The following LMF1 variants were observed in gnomAD, a reference collection of about 807,000 sequenced individuals.
The protein encoded by LMF1 is transmembrane protein 112.
In LMF1, 68 loss-of-function variants were observed where a neutral mutation model predicts 60.6. The ratio of observed to expected loss-of-function variants is 1.12; its 90% confidence interval spans 0.92 to 1.37. The LOEUF (loss-of-function observed/expected upper bound fraction) is 1.37. Among genes scored for constraint, LMF1 ranks in the 40% most tolerant of loss-of-function variants. LMF1 has a pLI of 0.00. For missense variants in LMF1, 948 were observed against 767.2 expected (o/e 1.24, Z -2.78); for synonymous variants, 418 against 324.7 (o/e 1.29, Z -3.09).
chr16:892,603 C>T (rs1030659451), intron 5 of LMF1, among the ~76,000 whole-genome samples: 7 of 152,232 alleles, frequency 4.6e-5, no homozygotes, highest in Non-Finnish European at 7.3e-5. Flanking sequence ...GTCCAGGTAA[C>T]GATGGAGCCA....
intron 1 of LMF1, among the ~76,000 whole-genome samples, chr16:958,165 C>T (rs1294412807): frequency 6.6e-6 from 1 of 152,168 alleles, no homozygotes; most frequent in African/African-American, 2.4e-5. Flanking sequence ...AGAAGAAAAT[C>T]TATGTGACTT....
intron 6 of LMF1, among the ~76,000 whole-genome samples, chr16:877,795 G>A (rs1265739770): frequency 6.6e-6 from 1 of 152,118 alleles, no homozygotes; most frequent in African/African-American, 2.4e-5. Context: ...ATCACCCACA[G>A]GACGCGTCTC....
chr16:854,449 C>T lies in LMF1; in HGVS notation c.*83G>A. The T allele has an allele frequency of 1.4e-6, 2 of 1,388,048 alleles. No homozygotes were observed. Among genetic ancestry groups the T allele is most frequent in the Non-Finnish European group, 2.0e-6 (2 of 1,013,386 alleles). 86.0% of individuals were successfully genotyped at this position (1,388,048 alleles called of 1,614,324 possible). ...CTCTCCACGTCTCTCTTGGCGATGC[C>T]CAGCTTGGGCTGGGCGCAGGGAAGG... On this transcript the variant is annotated 3_prime_UTR_variant, in exon 11 of 11. Coordinates refer to ENST00000262301, the MANE Select transcript of LMF1 (RefSeq NM_022773.4).
chr16:919,874 C>T (rs1332635833), intron 3 of LMF1, among the ~76,000 whole-genome samples: 6 of 152,118 alleles, frequency 3.9e-5, no homozygotes, highest in Non-Finnish European at 4.4e-5. Context: ...CCCACAGCTC[C>T]GCCCCGGGAC....
chr16:881,177 G>T (rs1267929030), intron 5 of LMF1, among the ~76,000 whole-genome samples: 1 of 152,232 alleles, frequency 6.6e-6, no homozygotes, highest in Admixed American at 6.5e-5. Flanking sequence ...GGAAGCGCAG[G>T]AGAGGCGGCC....
At chr16:958,284 C>T (rs1389266112) in intron 1 of LMF1, among the ~76,000 whole-genome samples, 2 of 152,156 alleles carry the variant, frequency 1.3e-5, no homozygotes, top group South Asian at 4.1e-4. Context: ...GCAAAAGCTA[C>T]TTTTAACAGA....
chr16:915,866 C>T (rs945595618), intron 3 of LMF1, among the ~76,000 whole-genome samples: 4 of 152,020 alleles, frequency 2.6e-5, no homozygotes, highest in East Asian at 1.9e-4. Context: ...ACGTGGGACG[C>T]GGGGGCCGGA....
At chr16:887,570 C>T (rs1368957315) in intron 5 of LMF1, among the ~76,000 whole-genome samples, 2 of 152,168 alleles carry the variant, frequency 1.3e-5, no homozygotes, top group African/African-American at 2.4e-5. Flanking sequence ...AGCAGCTCTG[C>T]ACCCCCTCAG....
intron 10 of LMF1, among the ~76,000 whole-genome samples, chr16:864,856 CA>C (rs2069569362): frequency 6.6e-6 from 1 of 152,082 alleles, no homozygotes; most frequent in South Asian, 2.1e-4. Context: ...CTCCTGACTT[CA>C]AGTGATACAC....
At chr16:865,650 C>T (rs2069591187) in intron 10 of LMF1, among the ~76,000 whole-genome samples, 1 of 152,170 alleles carries the variant, frequency 6.6e-6, no homozygotes, top group South Asian at 2.1e-4. Flanking sequence ...TTAGGGTTTG[C>T]TCAGTTTATT....
chr16:895,891 A>G (rs1399515672), intron 4 of LMF1, among the ~76,000 whole-genome samples: 1 of 140,056 alleles, frequency 7.1e-6, no homozygotes, highest in Non-Finnish European at 1.6e-5. Flanking sequence ...CGCAGGCTGC[A>G]CGGTCCACAG....
At chr16:906,323 T>A (rs1567217796) in intron 4 of LMF1, among the ~76,000 whole-genome samples, 1 of 152,178 alleles carries the variant, frequency 6.6e-6, no homozygotes, top group African/African-American at 2.4e-5. Context: ...TGTGAGGGTG[T>A]TGCCAGAGGA....
At chr16:949,953 CAG>C in intron 2 of LMF1, among the ~76,000 whole-genome samples, 1 of 136,484 alleles carries the variant, frequency 7.3e-6, no homozygotes, top group East Asian at 2.2e-4. Flanking sequence ...GAGCCAACGA[CAG>C]AGTCAGAGAC....
intron 2 of LMF1, among the ~76,000 whole-genome samples, chr16:944,908 C>CTTGT (rs1218069868): frequency 7.9e-6 from 1 of 125,890 alleles, no homozygotes; most frequent in Non-Finnish European, 1.6e-5. Flanking sequence ...ATACATATCT[C>CTTGT]TTGTTAGGTT....
intron 3 of LMF1, among the ~76,000 whole-genome samples, chr16:918,279 G>A (rs781575327): frequency 4.9e-4 from 75 of 152,296 alleles, no homozygotes; most frequent in African/African-American, 1.7e-3. Context: ...CGGCTTGTTC[G>A]TACTTGGTTG....
intron 1 of LMF1, among the ~76,000 whole-genome samples, chr16:958,863 G>A (rs569696960): frequency 3.3e-5 from 5 of 152,062 alleles, no homozygotes; most frequent in South Asian, 2.1e-4. Flanking sequence ...CTCCAGCCTC[G>A]GCGACAGAGT....
chr16:940,369 T>C (rs1435913480), intron 2 of LMF1, among the ~76,000 whole-genome samples: 1 of 152,092 alleles, frequency 6.6e-6, no homozygotes, highest in Non-Finnish European at 1.5e-5. Context: ...CCATTCCCTG[T>C]TGACCACCTA....
intron 4 of LMF1, among the ~76,000 whole-genome samples, chr16:910,402 A>G (rs942190079): frequency 3.9e-5 from 6 of 152,154 alleles, no homozygotes; most frequent in Non-Finnish European, 8.8e-5. Context: ...GAGAGACGTC[A>G]AAGCCAAGCA....
Position 868,927 on chromosome 16 carries a change from C to T in LMF1, c.1529+17G>A. The T allele has an allele frequency of 2.6e-6, 4 of 1,528,118 alleles. No individual in the cohort carries two copies. The highest frequency in any genetic ancestry group is 1.8e-6 in the Non-Finnish European group (2 of 1,105,514). 94.7% of individuals were successfully genotyped at this position (1,528,118 alleles called of 1,614,324 possible). ...TTTGGGGGAGACCCCTGAGCAGCGG[C>T]AGGGAGGGCATCCTACCTGGGCGGG... On this transcript the variant is annotated intron_variant, in intron 10 of 10. Coordinates refer to ENST00000262301, the MANE Select transcript of LMF1 (RefSeq NM_022773.4).
Sources: gnomAD v4.1 joint callset for allele counts (sites outside exome capture counted in the v4.1 genomes callset) on GRCh38, gnomAD v4.1.1 for gene constraint, MANE v1.5 for transcripts, NCBI Gene and HGNC (gene_info 2026-07-23, HGNC 2026-07-21) for gene names.